The following HAS2 variants were observed in gnomAD, a reference collection of about 807,000 sequenced individuals.
HAS2 encodes the protein hyaluronan synthase 2, also known as HA synthase 2.
HAS2 carries 16 observed loss-of-function variants against 51.6 expected under a neutral mutation model. The observed-to-expected ratio is 0.31, with a 90% CI of 0.21 to 0.47. The LOEUF (loss-of-function observed/expected upper bound fraction) is 0.47, where lower values mean the gene tolerates loss of function less well. HAS2 is among the 20% of genes least tolerant of loss of function. The probability of loss-of-function intolerance (pLI) is 1.00; values close to 1 mark genes in which losing one functional copy is unlikely to be tolerated. For missense variants in HAS2, 361 were observed against 662.6 expected, an observed-to-expected ratio of 0.54 and a Z score of 5.00; for synonymous variants, 228 against 235.5, an observed-to-expected ratio of 0.97 and a Z score of 0.29.
In HAS2 at chr8:121,614,002, A is replaced by G; in HGVS notation, c.*107T>C. On this transcript the variant is annotated 3_prime_UTR_variant, in exon 4 of 4. Coordinates refer to ENST00000303924, the MANE Select transcript of HAS2 (RefSeq NM_005328.3). The surrounding 1 kb of genome is among the most constrained non-coding windows in gnomAD (Gnocchi z 7.2). ...TAAATGTCTTTGTTCAAGTCCCAGC[A>G]GCAGTGATATGTCTCCTTTGGTGGC... 1 of 1,567,524 alleles carries G rather than the reference A, an allele frequency of 6.4e-7. No individual in the cohort carries two copies. Among genetic ancestry groups the G allele is most frequent in the Non-Finnish European group, 8.7e-7 (1 of 1,147,896 alleles).
At position 121,613,870 on chromosome 8, in the gene HAS2, T is replaced by C; in HGVS notation, c.*239A>G. 1 of 585,256 alleles carries C rather than the reference T, an allele frequency of 1.7e-6. No homozygotes were observed. Among genetic ancestry groups the C allele is most frequent in the Middle Eastern group, 3.5e-4 (1 of 2,860 alleles). 36.3% of individuals were successfully genotyped at this position (585,256 alleles called of 1,614,324 possible). A position where few individuals can be genotyped will look rare whatever the true frequency, so the allele number is the denominator to read the frequency against. ...AGGCGGATGCACAGTAAGGAAAAAG[T>C]GCATAAACAAAGAATTCATCCCATT... On this transcript the variant is annotated 3_prime_UTR_variant, in exon 4 of 4. Transcript: ENST00000303924.
chr8:121,620,348 A>C (rs1394160741), intron 2 of HAS2, among the ~76,000 whole-genome samples: 1 of 152,202 alleles, frequency 6.6e-6, no homozygotes, highest in African/African-American at 2.4e-5. Context: ...ATCGGTAACA[A>C]GTATGCAATT....
intron 3 of HAS2, among the ~76,000 whole-genome samples, chr8:121,615,575 G>A (rs1247565479): frequency 6.6e-6 from 1 of 151,816 alleles, no homozygotes; most frequent in African/African-American, 2.4e-5. Flanking sequence ...TGACTTCCTC[G>A]GCCTCCCAAA....
intron 2 of HAS2, among the ~76,000 whole-genome samples, chr8:121,622,686 C>CA (rs201376901): frequency 0.044 from 5,825 of 132,240 alleles, 375 homozygotes; most frequent in African/African-American, 0.14. Context: ...CTCATACAAC[C>CA]AAAAAAAAAA....
chr8:121,626,979 T>C (rs1375053252), intron 2 of HAS2, among the ~76,000 whole-genome samples: 1 of 152,146 alleles, frequency 6.6e-6, no homozygotes, highest in Non-Finnish European at 1.5e-5. Context: ...ATTTCATATT[T>C]TGTATTATTT....
Position 121,613,953 on chromosome 8 carries a change from T to C in HAS2, c.*156A>G, listed in dbSNP as rs1586500851. The C allele has an allele frequency of 9.6e-7, 1 of 1,044,140 alleles. No homozygotes were observed. The highest frequency in any genetic ancestry group is 1.4e-6 in the Non-Finnish European group (1 of 713,708). The allele number at this position is 1,044,140 out of a possible 1,614,324, so 64.7% of individuals were successfully genotyped here. On this transcript the variant is annotated 3_prime_UTR_variant, in exon 4 of 4. Coordinates refer to ENST00000303924, the MANE Select transcript of HAS2 (RefSeq NM_005328.3). ...TTCTTGTTGATGTATTGTTTTACTT[T>C]GGCAGAATGAAAATAAACCCATATA...
chr8:121,638,233 A>C (rs1813040153), intron 1 of HAS2, among the ~76,000 whole-genome samples: 1 of 152,206 alleles, frequency 6.6e-6, no homozygotes, highest in Non-Finnish European at 1.5e-5. Flanking sequence ...ACCTAACAAA[A>C]ATGAGTGGTT....
rs766241376 is a variant in HAS2 at position 121,628,666 on chromosome 8, G to C, written c.627+48C>G. Reference sequence around the variant, plus strand: ...CATATGACTGGACAGATACAAAAGCGGCTTTATTTAAATGTATGTTTGCCC... The same window carrying C: ...CATATGACTGGACAGATACAAAAGCCGCTTTATTTAAATGTATGTTTGCCC... On this transcript the variant is annotated intron_variant, in intron 2 of 3. Transcript: ENST00000303924. 2.0e-5 allele frequency: 31 copies of C among 1,557,896 alleles called. No individual in the cohort carries two copies. The South Asian group carries it at 3.7e-4, about 19-fold the overall frequency.
intron 1 of HAS2, among the ~76,000 whole-genome samples, chr8:121,635,872 G>A (rs1813001611): frequency 1.3e-5 from 2 of 152,222 alleles, no homozygotes; most frequent in African/African-American, 4.8e-5. Flanking sequence ...TAAATCATAT[G>A]CATGATAATT....
chr8:121,621,623 A>G (rs752865306), intron 2 of HAS2, among the ~76,000 whole-genome samples: 112 of 152,198 alleles, frequency 7.4e-4, no homozygotes, highest in Non-Finnish European at 1.4e-3. Flanking sequence ...AATTGATTAC[A>G]TATACAGAAT....
chr8:121,628,638 T>G, intron 2 of HAS2, 76 bp downstream of exon 2: 2 of 1,314,516 alleles, frequency 1.5e-6, no homozygotes, highest in East Asian at 4.6e-5. Flanking sequence ...GGATGGGCTA[T>G]AGCATATGAC....
chr8:121,633,964 G>A (rs1812972371), intron 1 of HAS2, among the ~76,000 whole-genome samples: 1 of 149,534 alleles, frequency 6.7e-6, no homozygotes, highest in Non-Finnish European at 1.5e-5. Flanking sequence ...AGGTTGGAGT[G>A]CAATGGCACG....
intron 1 of HAS2, among the ~76,000 whole-genome samples, chr8:121,640,357 G>C (rs1813076366): frequency 6.6e-6 from 1 of 151,932 alleles, no homozygotes; most frequent in South Asian, 2.1e-4. Context: ...TGCATTCCCA[G>C]CAAGAAGCGA....
At chr8:121,617,534 A>G (rs2130433637) in intron 2 of HAS2, among the ~76,000 whole-genome samples, 1 of 151,784 alleles carries the variant, frequency 6.6e-6, no homozygotes, top group South Asian at 2.1e-4. Context: ...ATCCCAGGTA[A>G]CCCCCAGTCC....
intron 1 of HAS2, among the ~76,000 whole-genome samples, chr8:121,632,954 T>C (rs1259247642): frequency 6.6e-6 from 1 of 152,168 alleles, no homozygotes; most frequent in African/African-American, 2.4e-5. Flanking sequence ...TAACTTGTTA[T>C]AGTCAAAAAA....
intron 1 of HAS2, among the ~76,000 whole-genome samples, chr8:121,635,960 T>A (rs1257508510): frequency 6.6e-6 from 1 of 152,164 alleles, no homozygotes; most frequent in African/African-American, 2.4e-5. Flanking sequence ...CATACTCAGG[T>A]CAGGTGGTAG....
intron 1 of HAS2, among the ~76,000 whole-genome samples, chr8:121,632,843 C>T (rs1269931817): frequency 2.0e-5 from 3 of 151,890 alleles, no homozygotes; most frequent in Non-Finnish European, 1.5e-5. Flanking sequence ...TAAGCATAAT[C>T]TTATTTACTC....
Position 121,630,545 on chromosome 8 carries a change from A to C in HAS2, c.1-1205T>G, listed in dbSNP as rs534399926. Among the ~76,000 whole-genome samples the C allele has an allele frequency of 5.9e-5, 9 of 152,318 alleles. No homozygotes were observed. In the East Asian group the frequency reaches 1.7e-3, roughly 29 times the overall value. ...CCTCCTCTTCCAAGGATGAACTATC[A>C]AAGAAGATATAATTGGTATAAATGC... On this transcript the variant is annotated intron_variant, in intron 1 of 3. Transcript: ENST00000303924.
chr8:121,627,253 C>T (rs1812867108), intron 2 of HAS2, among the ~76,000 whole-genome samples: 2 of 152,166 alleles, frequency 1.3e-5, no homozygotes, highest in African/African-American at 4.8e-5. Context: ...CATCCTTTCC[C>T]TTTGAAAATA....
Sources: gnomAD v4.1 joint callset for allele counts (sites outside exome capture counted in the v4.1 genomes callset) on GRCh38, gnomAD v4.1.1 for gene constraint, Gnocchi (gnomAD v3.1) non-coding constraint, MANE v1.5 for transcripts, NCBI Gene and HGNC (gene_info 2026-07-23, HGNC 2026-07-21) for gene names.